NALCN: variants seen among roughly 807,000 people sequenced by gnomAD.
NALCN encodes the protein sodium leak channel NALCN.
In NALCN, 111 loss-of-function variants were observed where a neutral mutation model predicts 225.3. The ratio of observed to expected loss-of-function variants is 0.49; its 90% CI spans 0.42 to 0.58. NALCN has a LOEUF of 0.58. Among genes scored for constraint, NALCN ranks in the 20% least tolerant of loss-of-function variants. NALCN has a pLI of 0.00. For missense variants in NALCN, 1,378 were observed against 2,202.4 expected, an observed-to-expected ratio of 0.63 and a Z score of 7.49; for synonymous variants, 764 against 769.0, an observed-to-expected ratio of 0.99 and a Z score of 0.11.
chr13:101,120,232 C>T (rs1253364247), intron 18 of NALCN, among the ~76,000 whole-genome samples: 4 of 152,148 alleles, frequency 2.6e-5, no homozygotes, highest in African/African-American at 9.7e-5. Context: ...CCCCTGAGAA[C>T]TAAGACCCCT....
intron 7 of NALCN, among the ~76,000 whole-genome samples, chr13:101,307,043 A>T (rs2044175678): frequency 1.3e-5 from 2 of 152,176 alleles, no homozygotes; most frequent in Non-Finnish European, 2.9e-5. Context: ...TATTAACCAC[A>T]ACCAATAGAC....
At chr13:101,403,934 C>G (rs1011273861) in intron 1 of NALCN, among the ~76,000 whole-genome samples, 4 of 152,212 alleles carry the variant, frequency 2.6e-5, no homozygotes, top group African/African-American at 9.6e-5. Context: ...TTTGGGAAAC[C>G]AACCAGCATT....
At chr13:101,124,958 T>C (rs2036163294) in intron 17 of NALCN, among the ~76,000 whole-genome samples, 1 of 152,186 alleles carries the variant, frequency 6.6e-6, no homozygotes, top group Admixed American at 6.5e-5. Context: ...TTCCAAAGAC[T>C]TTAACGTTGA....
chr13:101,138,963 G>A (rs147154804), intron 17 of NALCN, among the ~76,000 whole-genome samples: 12 of 152,310 alleles, frequency 7.9e-5, no homozygotes, highest in Non-Finnish European at 1.6e-4. Context: ...CACAGGAACG[G>A]TAGGTAGCAG....
Position 101,083,124 on chromosome 13 carries a change from C to A in NALCN, c.3658G>T (p.Val1220Phe). ...GAGAGCAACACCGACTGGGCCAGGA[C>A]GAGTAATGCGATTGTCCTCTTAAAA... is the stretch of plus-strand genomic sequence containing the variant. ...PFFKRTIALL[V>F]LAQSVLLSVK... Residue 1220 changes from valine to phenylalanine, a missense_variant, in exon 32 of 44, where the codon GTC (valine) becomes TTC (phenylalanine). By Grantham distance (50) the Val-to-Phe change is conservative. Coordinates refer to ENST00000251127, the MANE Select transcript of NALCN (RefSeq NM_052867.4). 6.2e-7 allele frequency: 1 copy of A among 1,614,100 alleles called. No homozygotes were observed. The highest frequency in any genetic ancestry group is 8.5e-7 in the Non-Finnish European group (1 of 1,179,986).
At chr13:101,178,798 G>A (rs778823022) in intron 14 of NALCN, among the ~76,000 whole-genome samples, 3 of 152,196 alleles carry the variant, frequency 2.0e-5, no homozygotes, top group Non-Finnish European at 4.4e-5. Context: ...TCTATCTTGA[G>A]AACACGTATG....
In NALCN at chr13:101,211,922, A is replaced by T. The variant is rs117852096; in HGVS notation, c.1626+17471T>A. Among the ~76,000 whole-genome samples, 177 of 152,138 alleles carry T rather than the reference A, an allele frequency of 1.2e-3. 4 individuals carry two copies. The East Asian group carries it at 0.029, about 25-fold the overall frequency. ...TTTTGTTCAATGAAAATACCTCCTCATAGAAATAACATTTCTTCCAGTGTA... is the reference window on the plus strand; with the variant it reads ...TTTTGTTCAATGAAAATACCTCCTCTTAGAAATAACATTTCTTCCAGTGTA... On this transcript the variant is annotated intron_variant, in intron 13 of 43. Transcript: ENST00000251127.
intron 6 of NALCN, among the ~76,000 whole-genome samples, chr13:101,366,689 T>C (rs1215804769): frequency 6.6e-6 from 1 of 152,206 alleles, no homozygotes; most frequent in Non-Finnish European, 1.5e-5. Context: ...TGCAGCACCA[T>C]GTGATGTTTT....
chr13:101,374,082 G>A (rs2046615745), intron 6 of NALCN, among the ~76,000 whole-genome samples: 2 of 151,856 alleles, frequency 1.3e-5, no homozygotes, highest in Admixed American at 1.3e-4. Flanking sequence ...GATTAGGAGT[G>A]GGGTTAGTAG....
intron 33 of NALCN, among the ~76,000 whole-genome samples, chr13:101,081,888 T>C (rs2033673442): frequency 6.6e-6 from 1 of 152,176 alleles, no homozygotes; most frequent in Non-Finnish European, 1.5e-5. Flanking sequence ...TATTTATTAT[T>C]ATTTTTTGAG....
intron 6 of NALCN, among the ~76,000 whole-genome samples, chr13:101,363,461 A>G (rs2046302881): frequency 6.6e-6 from 1 of 152,144 alleles, no homozygotes; most frequent in Non-Finnish European, 1.5e-5. Context: ...CATTCTTGAC[A>G]AAGGTATCAA....
intron 12 of NALCN, among the ~76,000 whole-genome samples, chr13:101,236,298 CT>C (rs1418124494): frequency 6.6e-6 from 1 of 152,188 alleles, no homozygotes; most frequent in Non-Finnish European, 1.5e-5. Flanking sequence ...AATAGGAACA[CT>C]TTTACACTGT....
chr13:101,161,787 G>A (rs607192), intron 15 of NALCN, among the ~76,000 whole-genome samples: 25,998 of 152,134 alleles, frequency 0.17, 3,035 homozygotes, highest in African/African-American at 0.32. Flanking sequence ...CAGGAGAATC[G>A]CTTGAACCTT....
intron 37 of NALCN, among the ~76,000 whole-genome samples, chr13:101,070,218 C>G (rs538904252): frequency 1.3e-5 from 2 of 152,244 alleles, no homozygotes; most frequent in Admixed American, 6.5e-5. Flanking sequence ...AGGCGCCCAC[C>G]ACCATGCCCG....
chr13:101,062,058 C>T lies in NALCN; in HGVS notation c.4665G>A (p.Ala1555=), dbSNP rs745411043. Reference sequence around the variant, plus strand: ...CTATGGTGTACTCCAGCTGCTCCCTCGCCAGGAGTTCCTCCAGCTGCAAGC... The same window carrying T: ...CTATGGTGTACTCCAGCTGCTCCCTTGCCAGGAGTTCCTCCAGCTGCAAGC... The part of the protein sequence containing the change: ...RKSLQLEELL[A]REQLEYTIEE... Residue 1555 remains alanine (A), a synonymous_variant, in exon 41 of 44, where the codon GCG becomes GCA. Transcript: ENST00000251127. 1.4e-5 allele frequency: 22 copies of T among 1,614,040 alleles called. 1 individual carries two copies. Among genetic ancestry groups the T allele is most frequent in the South Asian group, 5.5e-5 (5 of 91,086 alleles).
intron 18 of NALCN, among the ~76,000 whole-genome samples, chr13:101,112,082 T>A (rs1306922541): frequency 6.6e-6 from 1 of 151,608 alleles, no homozygotes; most frequent in Non-Finnish European, 1.5e-5. Context: ...TAAAGAGAAG[T>A]AACTAAAGCT....
At chr13:101,268,456 AAAT>A (rs1237458705) in intron 10 of NALCN, among the ~76,000 whole-genome samples, 1 of 152,126 alleles carries the variant, frequency 6.6e-6, no homozygotes. Flanking sequence ...CATTGATCAT[AAAT>A]AATAACCCTT....
chr13:101,373,345 A>T (rs2139407957), intron 6 of NALCN, among the ~76,000 whole-genome samples: 1 of 152,294 alleles, frequency 6.6e-6, no homozygotes, highest in South Asian at 2.1e-4. Flanking sequence ...CCCGGTAAAG[A>T]TATTTCAATT....
At chr13:101,058,335 G>T in intron 42 of NALCN, 1 of 294,800 alleles carries the variant, frequency 3.4e-6, no homozygotes, top group Non-Finnish European at 6.3e-6. Flanking sequence ...GAATGTCATT[G>T]TTTCCCTTCA....
Sources: allele counts gnomAD v4.1 joint callset (sites outside exome capture counted in the v4.1 genomes callset), GRCh38; gene constraint gnomAD v4.1.1; transcripts MANE v1.5; gene names NCBI Gene and HGNC (gene_info 2026-07-23, HGNC 2026-07-21).